Variants in ASTN2 observed in about 807,000 individuals in gnomAD.
ASTN2 encodes the protein astrotactin-2.
In ASTN2, 54 loss-of-function variants were observed where a neutral mutation model predicts 139.8. That is an observed-to-expected ratio of 0.39 (90% confidence interval 0.31 to 0.48). The LOEUF is 0.48. ASTN2 is among the 20% of genes least tolerant of loss of function. The probability of loss-of-function intolerance (pLI) is 0.95; values close to 1 mark genes in which losing one functional copy is unlikely to be tolerated. For missense variants in ASTN2, 1,565 were observed against 1,725.1 expected, an observed-to-expected ratio of 0.91 and a Z score of 1.64; for synonymous variants, 756 against 719.5, an observed-to-expected ratio of 1.05 and a Z score of -0.81.
intron 10 of ASTN2, among the ~76,000 whole-genome samples, chr9:116,870,798 T>C (rs1331897145): frequency 2.0e-5 from 3 of 152,120 alleles, no homozygotes; most frequent in African/African-American, 7.2e-5. Context: ...TGTTAATAAA[T>C]ACCAGGAAAG....
intron 3 of ASTN2, among the ~76,000 whole-genome samples, chr9:117,206,958 G>A (rs1831946967): frequency 6.6e-6 from 1 of 152,150 alleles, no homozygotes. Context: ...AAAAGAGCAT[G>A]AGAAACTGTC....
intron 17 of ASTN2, among the ~76,000 whole-genome samples, chr9:116,633,189 G>A (rs1856894707): frequency 6.6e-6 from 1 of 152,222 alleles, no homozygotes; most frequent in Non-Finnish European, 1.5e-5. Context: ...AGGAAACATC[G>A]GTTATAACTC....
At chr9:116,977,524 C>T (rs1336057902) in intron 7 of ASTN2, among the ~76,000 whole-genome samples, 3 of 151,930 alleles carry the variant, frequency 2.0e-5, no homozygotes, top group Non-Finnish European at 4.4e-5. Flanking sequence ...TGAATGCTTG[C>T]TAGCATTACA....
chr9:117,379,580 G>A (rs1830213277), intron 1 of ASTN2, among the ~76,000 whole-genome samples: 1 of 152,204 alleles, frequency 6.6e-6, no homozygotes, highest in Non-Finnish European at 1.5e-5. Context: ...AAATGTAATT[G>A]AAGTAAACAA....
intron 1 of ASTN2, among the ~76,000 whole-genome samples, chr9:117,359,628 C>T (rs1415959789): frequency 6.6e-6 from 1 of 152,102 alleles, no homozygotes; most frequent in Non-Finnish European, 1.5e-5. Context: ...TCTGTGGGTG[C>T]CTGTCTGGTT....
At chr9:116,693,169 T>G (rs1486234788) in intron 16 of ASTN2, among the ~76,000 whole-genome samples, 2 of 152,230 alleles carry the variant, frequency 1.3e-5, no homozygotes, top group Non-Finnish European at 2.9e-5. Context: ...ATCCTTTTAT[T>G]GTACACCTAA....
intron 2 of ASTN2, among the ~76,000 whole-genome samples, chr9:117,283,995 A>G (rs1285800092): frequency 6.6e-6 from 1 of 152,202 alleles, no homozygotes; most frequent in Non-Finnish European, 1.5e-5. Flanking sequence ...CTTTTGCACC[A>G]GCCTAAATAT....
chr9:116,615,274 G>C (rs550225250), intron 19 of ASTN2, among the ~76,000 whole-genome samples: 4 of 152,318 alleles, frequency 2.6e-5, no homozygotes, highest in African/African-American at 9.6e-5. Flanking sequence ...TACACTGTTG[G>C]TGGGAACGTA....
chr9:116,976,622 T>C (rs1649141670), intron 8 of ASTN2, 79 bp downstream of exon 8: 6 of 1,265,438 alleles, frequency 4.7e-6, no homozygotes, highest in Non-Finnish European at 6.8e-6. Flanking sequence ...GTGGAGATGC[T>C]TGGGGCCTCT....
chr9:117,009,361 A>G (rs1837447198), intron 6 of ASTN2, among the ~76,000 whole-genome samples: 1 of 152,180 alleles, frequency 6.6e-6, no homozygotes, highest in Non-Finnish European at 1.5e-5. Context: ...ATCTATGTAG[A>G]TATTCCACAT....
rs547271788 is a variant in ASTN2, at chr9:117,168,300, C to T, written c.1016-26822G>A. Among the ~76,000 whole-genome samples, 12 of 152,216 alleles carry T rather than the reference C, an allele frequency of 7.9e-5. 1 individual carries two copies. The highest frequency in any genetic ancestry group is 2.9e-4 in the African/African-American group (12 of 41,548). ...TGCTTCACAACCTGAAAATGCTGTGCATGTTAAATTAATGGGAATAAAATG... is the reference window on the plus strand; with the variant it reads ...TGCTTCACAACCTGAAAATGCTGTGTATGTTAAATTAATGGGAATAAAATG... On this transcript the variant is annotated intron_variant, in intron 3 of 22. Transcript: ENST00000313400.
At chr9:117,355,954 T>G (rs1245162093) in intron 1 of ASTN2, among the ~76,000 whole-genome samples, 1 of 152,134 alleles carries the variant, frequency 6.6e-6, no homozygotes, top group Non-Finnish European at 1.5e-5. Flanking sequence ...CAGCCTACAC[T>G]GGAGATCAGG....
At chr9:116,521,854 G>A (rs936571053) in intron 19 of ASTN2, among the ~76,000 whole-genome samples, 12 of 151,844 alleles carry the variant, frequency 7.9e-5, no homozygotes, top group Non-Finnish European at 1.6e-4. Context: ...GCAGGTTAAG[G>A]ACATGAGTAG....
At chr9:117,084,414 A>G (rs996316621) in intron 5 of ASTN2, among the ~76,000 whole-genome samples, 9 of 152,268 alleles carry the variant, frequency 5.9e-5, no homozygotes, top group East Asian at 3.9e-4. Context: ...AAAACCTACA[A>G]AGTTCTCTTA....
intron 19 of ASTN2, among the ~76,000 whole-genome samples, chr9:116,522,301 T>C (rs1287631892): frequency 6.6e-6 from 1 of 152,142 alleles, no homozygotes; most frequent in Non-Finnish European, 1.5e-5. Flanking sequence ...AAAGAAAATG[T>C]AGCATATATA....
chr9:116,704,766 C>G lies in ASTN2; in HGVS notation c.2806+21005G>C, dbSNP rs368908118. Among the ~76,000 whole-genome samples, 64 of 152,148 alleles carry G rather than the reference C, an allele frequency of 4.2e-4. 2 individuals carry two copies. The highest frequency in any genetic ancestry group is 1.4e-3 in the African/African-American group (59 of 41,486). On this transcript the variant is annotated intron_variant, in intron 16 of 22. Transcript: ENST00000313400. ...GCAATACTCATTCACAGCAATGTAT[C>G]CCATTAGGAAAGCTGTAAATAAATC...
chr9:117,255,731 T>C (rs1308771678), intron 2 of ASTN2, among the ~76,000 whole-genome samples: 1 of 152,114 alleles, frequency 6.6e-6, no homozygotes, highest in Non-Finnish European at 1.5e-5. Context: ...GAACACAGAA[T>C]GTATGACAAA....
chr9:117,105,953 T>C (rs1358112578), intron 4 of ASTN2, among the ~76,000 whole-genome samples: 1 of 152,200 alleles, frequency 6.6e-6, no homozygotes, highest in East Asian at 1.9e-4. Flanking sequence ...ACACTACAGA[T>C]GCCTTGGTCA....
At chr9:117,324,903 G>A (rs975423126) in intron 1 of ASTN2, among the ~76,000 whole-genome samples, 4 of 152,116 alleles carry the variant, frequency 2.6e-5, no homozygotes, top group Admixed American at 6.5e-5. Flanking sequence ...ACCCTCAAAA[G>A]GAAGGGATAT....
Sources: allele counts gnomAD v4.1 joint callset (sites outside exome capture counted in the v4.1 genomes callset), GRCh38; gene constraint gnomAD v4.1.1; transcripts MANE v1.5; gene names NCBI Gene and HGNC (gene_info 2026-07-23, HGNC 2026-07-21).